The following CKS2 variants were observed in gnomAD, a reference collection of about 807,000 sequenced individuals.
CKS2 encodes the protein CDC28 protein kinase regulatory subunit 2.
CKS2 carries 4 observed loss-of-function variants against 14.3 expected under a neutral mutation model. The ratio of observed to expected loss-of-function variants is 0.28; its 90% CI spans 0.14 to 0.64. The LOEUF (loss-of-function observed/expected upper bound fraction) is 0.64. Among genes scored for constraint, CKS2 ranks in the 30% least tolerant of loss-of-function variants. The probability of loss-of-function intolerance (pLI) is 0.83; values close to 1 mark genes in which losing one functional copy is unlikely to be tolerated. For synonymous variants in CKS2, 33 were observed against 28.7 expected (o/e 1.15, Z -0.48); for missense variants, 71 against 94.3 (o/e 0.75, Z 1.02).
rs761954896 is a variant in CKS2 at position 89,311,217 on chromosome 9, C to G, written c.-76C>G. 9.6e-6 allele frequency: 12 copies of G among 1,255,132 alleles called. No individual in the cohort carries two copies. The highest frequency in any genetic ancestry group is 1.3e-5 in the Non-Finnish European group (11 of 868,888). The allele number at this position is 1,255,132 out of a possible 1,614,324, so 77.7% of individuals were successfully genotyped here. On this transcript the variant is annotated 5_prime_UTR_variant, in exon 1 of 3. Transcript: ENST00000314355. ...GTCGTTAGTCTCCGGCGAGTTGTTG[C>G]CTGGGCTGGACGTGGTTTTGTCTGC...
chr9:89,312,292 C>G (rs1388225927), intron 1 of CKS2: 1 of 154,342 alleles, frequency 6.5e-6, no homozygotes, highest in Non-Finnish European at 1.5e-5. Context: ...CGAGTAGGGA[C>G]ATTTAAAATT....
At chr9:89,312,127 G>C (rs1380675610) in intron 1 of CKS2, 1 of 153,844 alleles carries the variant, frequency 6.5e-6, no homozygotes, top group Non-Finnish European at 1.5e-5. Context: ...TTTTCTGCTA[G>C]TATACACTGG....
intron 1 of CKS2, among the ~76,000 whole-genome samples, 184 bp downstream of exon 1, chr9:89,311,535 G>A (rs988372701): frequency 4.6e-5 from 7 of 152,340 alleles, no homozygotes; most frequent in Admixed American, 1.3e-4. Flanking sequence ...GGACATGGTT[G>A]GGTGCCTGGC....
At chr9:89,314,980 T>C (rs957528087) in intron 1 of CKS2, among the ~76,000 whole-genome samples, 190 bp from the exon 2 acceptor site, 2 of 152,202 alleles carry the variant, frequency 1.3e-5, no homozygotes, top group African/African-American at 4.8e-5. Context: ...ATTAATCCTA[T>C]GGAAAATGCT....
rs1049900032 is a variant in CKS2, at chr9:89,311,458, C to CG, written c.59+109dup. The CG allele has an allele frequency of 4.8e-6, 3 of 631,474 alleles. No homozygotes were observed. In the African/African-American group the frequency reaches 6.0e-5, roughly 13 times the overall value. The allele number at this position is 631,474 out of a possible 1,614,324, so 39.1% of individuals were successfully genotyped here. ...GGGGTGGGGGCCGGGGCCTGGGGGG[C>CG]GGAGCCCGGGGCCGGAGGGCGAGGG... On this transcript the variant is annotated intron_variant, in intron 1 of 2. Transcript: ENST00000314355.
rs1020063885 is a variant in CKS2, at chr9:89,311,281, C to G, written c.-12C>G. The G allele has an allele frequency of 6.2e-7, 1 of 1,609,408 alleles. No individual in the cohort carries two copies. The highest frequency in any genetic ancestry group is 1.7e-5 in the Admixed American group (1 of 59,612). ...CGCGCTCTCGTTTCATTTTCTGCAG[C>G]GCGCCAGCAGGATGGCCCACAAGCA... is the stretch of plus-strand genomic sequence containing the variant. On this transcript the variant is annotated 5_prime_UTR_variant, in exon 1 of 3. Coordinates refer to ENST00000314355, the MANE Select transcript of CKS2 (RefSeq NM_001827.3).
chr9:89,314,788 GA>G (rs1824678190), intron 1 of CKS2, among the ~76,000 whole-genome samples: 1 of 152,136 alleles, frequency 6.6e-6, no homozygotes, highest in Non-Finnish European at 1.5e-5. Flanking sequence ...ACAAGAAGGA[GA>G]AAAAGAGTTC....
intron 1 of CKS2, 69 bp downstream of exon 1, chr9:89,311,420 C>CA (rs1824604730): frequency 8.1e-7 from 1 of 1,232,088 alleles, no homozygotes; most frequent in Non-Finnish European, 1.1e-6. Flanking sequence ...GCGACCCAGG[C>CA]ATAGTAGGGT....
chr9:89,314,899 C>T lies in CKS2; in HGVS notation c.60-271C>T, dbSNP rs568387707. On this transcript the variant is annotated intron_variant, in intron 1 of 2. Coordinates refer to ENST00000314355, the MANE Select transcript of CKS2 (RefSeq NM_001827.3). The stretch of plus-strand genomic sequence containing the variant: ...TGGAGGCTGGTAACCATATGTTCAA[C>T]TTATATTTTGGGGTTCTCTTCCTGA... 2.0e-5 allele frequency among the ~76,000 whole-genome samples: 3 copies of T among 152,274 alleles called. No homozygotes were observed. The South Asian group carries it at 6.2e-4, about 32-fold the overall frequency.
At chr9:89,311,393 G>C (rs1056467693) in intron 1 of CKS2, 42 bp downstream of exon 1, 6 of 1,553,686 alleles carry the variant, frequency 3.9e-6, no homozygotes, top group Non-Finnish European at 5.2e-6. Context: ...CCCTCAGCCG[G>C]GGCCCCCGCG....
intron 2 of CKS2, 110 bp downstream of exon 2, chr9:89,315,407 TTCTGA>T: frequency 9.9e-7 from 1 of 1,010,398 alleles, no homozygotes; most frequent in South Asian, 2.9e-5. Context: ...AAAGTAACTG[TTCTGA>T]TAAGTTTTTT....
Position 89,311,254 on chromosome 9 carries a change from T to C in CKS2, c.-39T>C, listed in dbSNP as rs1203736953. The C allele has an allele frequency of 1.3e-6, 2 of 1,591,872 alleles. No homozygotes were observed. Among genetic ancestry groups the C allele is most frequent in the South Asian group, 1.1e-5 (1 of 89,634 alleles). ...GTGGTTTTGTCTGCTGCGCCCGCTC[T>C]TCGCGCTCTCGTTTCATTTTCTGCA... On this transcript the variant is annotated 5_prime_UTR_variant, in exon 1 of 3. Coordinates refer to ENST00000314355, the MANE Select transcript of CKS2 (RefSeq NM_001827.3).
chr9:89,311,851 A>G (rs1824616191), intron 1 of CKS2, among the ~76,000 whole-genome samples: 1 of 152,064 alleles, frequency 6.6e-6, no homozygotes, highest in African/African-American at 2.4e-5. Context: ...AGCTTTTACT[A>G]GTTTGTGGTT....
rs3211674 is a variant in CKS2, at chr9:89,313,299, T to TA, written c.60-1869dup. ...CTTTGATTTTTCTTAATTACAAACT[T>TA]AATTTCCTAGTCCTTTTACGTGAGG... is the stretch of plus-strand genomic sequence containing the variant. On this transcript the variant is annotated intron_variant, in intron 1 of 2. Transcript: ENST00000314355. 8.4e-3 allele frequency among the ~76,000 whole-genome samples: 1,287 copies of TA among 152,372 alleles called. 15 individuals are homozygous for TA. The highest frequency in any genetic ancestry group is 0.03 in the African/African-American group (1,238 of 41,584).
intron 1 of CKS2, among the ~76,000 whole-genome samples, chr9:89,314,019 G>A (rs1041794262): frequency 6.6e-6 from 1 of 152,162 alleles, no homozygotes; most frequent in Non-Finnish European, 1.5e-5. Flanking sequence ...TGCTTATAGC[G>A]GGTTAGGGAT....
chr9:89,313,752 AATAAG>A (rs1453125219), intron 1 of CKS2, among the ~76,000 whole-genome samples: 2 of 152,260 alleles, frequency 1.3e-5, no homozygotes, highest in African/African-American at 4.8e-5. Flanking sequence ...AGAACGTAGA[AATAAG>A]ATAACAGATT....
chr9:89,316,685 AG>A lies in CKS2; in HGVS notation c.*261del, dbSNP rs1824727092. 5.8e-6 allele frequency: 2 copies of A among 346,900 alleles called. No individual in the cohort carries two copies. The highest frequency in any genetic ancestry group is 2.1e-5 in the African/African-American group (1 of 47,456). 21.5% of individuals were successfully genotyped at this position (346,900 alleles called of 1,614,324 possible). On this transcript the variant is annotated 3_prime_UTR_variant, in exon 3 of 3. Coordinates refer to ENST00000314355, the MANE Select transcript of CKS2 (RefSeq NM_001827.3). Reference sequence around the variant, plus strand: ...GAAACAGTTTACTTTTGTTCAATAAAGTTTGTATGTTGCATTTATCACTGTT... The same window carrying A: ...GAAACAGTTTACTTTTGTTCAATAAATTTGTATGTTGCATTTATCACTGTT...
chr9:89,311,321 A>T lies in CKS2; in HGVS notation c.29A>T (p.Asp10Val). The part of the protein sequence containing the change: MAHKQIYYS[D>V]KYFDEHYEYR... ...GCCCACAAGCAGATCTACTACTCGG[A>T]CAAGTACTTCGACGAACACTACGAG... is the stretch of plus-strand genomic sequence containing the variant. Residue 10 changes from aspartate (D) to valine (V), a missense_variant, in exon 1 of 3, where the codon GAC (aspartate) becomes GTC (valine). Asp to Val is a radical substitution (Grantham distance 152, BLOSUM62 -3). Coordinates refer to ENST00000314355, the MANE Select transcript of CKS2 (RefSeq NM_001827.3). 6.2e-7 allele frequency: 1 copy of T among 1,610,590 alleles called. No homozygotes were observed. The highest frequency in any genetic ancestry group is 2.3e-5 in the East Asian group (1 of 44,174).
chr9:89,315,738 T>C (rs1331482270), intron 2 of CKS2, among the ~76,000 whole-genome samples: 1 of 152,130 alleles, frequency 6.6e-6, no homozygotes, highest in Non-Finnish European at 1.5e-5. Context: ...TCAACTGTGC[T>C]TATGGGTACC....
Sources: allele counts gnomAD v4.1 joint callset (sites outside exome capture counted in the v4.1 genomes callset), GRCh38; gene constraint gnomAD v4.1.1; transcripts MANE v1.5; gene names NCBI Gene and HGNC (gene_info 2026-07-23, HGNC 2026-07-21).